The following GABRA4 variants were observed in gnomAD, a reference collection of about 807,000 sequenced individuals.
GABRA4 encodes gamma-aminobutyric acid receptor subunit alpha-4.
In GABRA4, 12 loss-of-function variants were observed where a neutral mutation model predicts 49.7. That is an observed-to-expected ratio of 0.24 (90% confidence interval 0.15 to 0.39). The LOEUF is 0.39. GABRA4 is among the 10% of genes least tolerant of loss of function. The pLI is 1.00. For missense variants in GABRA4, 506 were observed against 686.0 expected (o/e 0.74, Z 2.93); for synonymous variants, 288 against 240.2 (o/e 1.20, Z -1.84).
At chr4:46,975,222 T>C (rs951209212) in intron 5 of GABRA4, among the ~76,000 whole-genome samples, 2 of 151,996 alleles carry the variant, frequency 1.3e-5, no homozygotes, top group African/African-American at 2.4e-5. Flanking sequence ...GGCTATAGCA[T>C]AGTAGGTCCT....
chr4:46,962,891 A>G (rs1722628475), intron 8 of GABRA4, among the ~76,000 whole-genome samples: 1 of 151,884 alleles, frequency 6.6e-6, no homozygotes, highest in Admixed American at 6.6e-5. Flanking sequence ...TGCTGGGAAA[A>G]CTGTATTATT....
chr4:46,974,119 G>T, intron 6 of GABRA4, 113 bp downstream of exon 6: 1 of 1,042,084 alleles, frequency 9.6e-7, no homozygotes. Flanking sequence ...CTCTATTTCT[G>T]GAAAATGTTT....
rs1458195966 is a variant in GABRA4, at chr4:46,927,135, T to C, written c.*1090A>G. 3 of 152,042 alleles carry C rather than the reference T, an allele frequency of 2.0e-5. No individual in the cohort carries two copies. The highest frequency in any genetic ancestry group is 4.4e-5 in the Non-Finnish European group (3 of 67,946). 9.4% of individuals were successfully genotyped at this position (152,042 alleles called of 1,614,324 possible). Reference sequence around the variant, plus strand: ...TCTACTCTGTGACTCTGATCAAATTTGCGACAGTTAATCTATTAAGTCTTA... The same window carrying C: ...TCTACTCTGTGACTCTGATCAAATTCGCGACAGTTAATCTATTAAGTCTTA... On this transcript the variant is annotated 3_prime_UTR_variant, in exon 9 of 9. Coordinates refer to ENST00000264318, the MANE Select transcript of GABRA4 (RefSeq NM_000809.4).
At chr4:46,930,231 T>C (rs1721381918) in intron 8 of GABRA4, among the ~76,000 whole-genome samples, 1 of 151,978 alleles carries the variant, frequency 6.6e-6, no homozygotes, top group Admixed American at 6.6e-5. Flanking sequence ...GGCACTGAAT[T>C]TGGGTGGAGA....
chr4:46,926,696 G>T lies in GABRA4; in HGVS notation c.*1529C>A, dbSNP rs1721241930. 1 of 151,834 alleles carries T rather than the reference G, an allele frequency of 6.6e-6. No individual in the cohort carries two copies. 9.4% of individuals were successfully genotyped at this position (151,834 alleles called of 1,614,324 possible). A position where few individuals can be genotyped will look rare whatever the true frequency, so the allele number is the denominator to read the frequency against. Reference sequence around the variant, plus strand: ...TCCAGAGCAGATAGAGAGAAGCACAGAAGAAAATCTAGAGGCAATATGACA... The same window carrying T: ...TCCAGAGCAGATAGAGAGAAGCACATAAGAAAATCTAGAGGCAATATGACA... On this transcript the variant is annotated 3_prime_UTR_variant, in exon 9 of 9. Coordinates refer to ENST00000264318, the MANE Select transcript of GABRA4 (RefSeq NM_000809.4).
rs1373091442 is a variant in GABRA4 at position 46,971,870 on chromosome 4, C to CCGAG, written c.722-636_722-635insCTCG. Among the ~76,000 whole-genome samples the CCGAG allele has an allele frequency of 2.9e-3, 439 of 151,436 alleles. 7 individuals are homozygous for CCGAG. The highest frequency in any genetic ancestry group is 0.026 in the Admixed American group (388 of 15,134). Reference sequence around the variant, plus strand: ...TAACATACAGGCATATATAACACCCCTGAGTTCAAGCATGTTTTACTGGCA... The same window carrying CCGAG: ...TAACATACAGGCATATATAACACCCCCGAGTGAGTTCAAGCATGTTTTACTGGCA... On this transcript the variant is annotated intron_variant, in intron 6 of 8. Coordinates refer to ENST00000264318, the MANE Select transcript of GABRA4 (RefSeq NM_000809.4).
intron 8 of GABRA4, among the ~76,000 whole-genome samples, chr4:46,929,812 A>G (rs1050906876): frequency 6.6e-6 from 1 of 151,972 alleles, no homozygotes; most frequent in Non-Finnish European, 1.5e-5. Flanking sequence ...TCCCCTTACC[A>G]TTTCATGAAG....
At chr4:46,941,444 T>C (rs1721786486) in intron 8 of GABRA4, among the ~76,000 whole-genome samples, 3 of 152,084 alleles carry the variant, frequency 2.0e-5, no homozygotes, top group Admixed American at 6.6e-5. Context: ...TTAGAGTTAG[T>C]GGTGTGGTAA....
At chr4:46,944,671 C>T (rs1243148622) in intron 8 of GABRA4, among the ~76,000 whole-genome samples, 1 of 152,088 alleles carries the variant, frequency 6.6e-6, no homozygotes, top group Non-Finnish European at 1.5e-5. Flanking sequence ...TTCTTTACCT[C>T]CCTTTTATAA....
intron 7 of GABRA4, among the ~76,000 whole-genome samples, chr4:46,966,378 G>T (rs1283149388): frequency 6.6e-6 from 1 of 151,698 alleles, no homozygotes; most frequent in East Asian, 1.9e-4. Context: ...GGCAAATAAT[G>T]CATGTTCAAC....
At chr4:46,965,553 C>T (rs1045755514) in intron 7 of GABRA4, among the ~76,000 whole-genome samples, 1 of 151,692 alleles carries the variant, frequency 6.6e-6, no homozygotes, top group Non-Finnish European at 1.5e-5. Context: ...GCATGTAACG[C>T]ACGTAGCACA....
intron 8 of GABRA4, among the ~76,000 whole-genome samples, chr4:46,935,349 T>C (rs2109341564): frequency 6.6e-6 from 1 of 152,298 alleles, no homozygotes; most frequent in Non-Finnish European, 1.5e-5. Flanking sequence ...CTAATAAATA[T>C]ATAAGATAAT....
chr4:46,937,141 G>T (rs1721627745), intron 8 of GABRA4, among the ~76,000 whole-genome samples: 1 of 152,160 alleles, frequency 6.6e-6, no homozygotes. Context: ...AAAAGAAAAA[G>T]AAATACCAGG....
At chr4:46,986,583 C>T (rs78533420) in intron 2 of GABRA4, among the ~76,000 whole-genome samples, 1,859 of 152,136 alleles carry the variant, frequency 0.012, 35 homozygotes, top group African/African-American at 0.043. Context: ...CATCAAAACT[C>T]AATATTTGTA....
intron 8 of GABRA4, among the ~76,000 whole-genome samples, chr4:46,940,342 C>A (rs1721747357): frequency 6.6e-6 from 1 of 151,908 alleles, no homozygotes; most frequent in Non-Finnish European, 1.5e-5. Flanking sequence ...TCAACATGAG[C>A]TCTATCTCTT....
Position 46,922,726 on chromosome 4 carries a change from G to T in GABRA4, c.*5499C>A, listed in dbSNP as rs142910775. On this transcript the variant is annotated 3_prime_UTR_variant, in exon 9 of 9. Transcript: ENST00000264318. ...AAATTAACCATTATGAAGTTGAAAA[G>T]TACATTGGAAGTTACAAAATAGAAT... 1.8e-4 allele frequency: 28 copies of T among 152,178 alleles called. No individual in the cohort carries two copies. The East Asian group carries it at 5.0e-3, about 27-fold the overall frequency. 9.4% of individuals were successfully genotyped at this position (152,178 alleles called of 1,614,324 possible).
intron 8 of GABRA4, among the ~76,000 whole-genome samples, chr4:46,942,282 G>A (rs1414000694): frequency 1.3e-5 from 2 of 152,062 alleles, no homozygotes; most frequent in Admixed American, 6.6e-5. Context: ...CCAGTCTGGG[G>A]AAAAATAGTC....
At chr4:46,980,185 G>A (rs554374214) in intron 2 of GABRA4, among the ~76,000 whole-genome samples, 1 of 152,004 alleles carries the variant, frequency 6.6e-6, no homozygotes, top group Admixed American at 6.6e-5. Flanking sequence ...TCATTACTAT[G>A]CATAATACAG....
At chr4:46,956,415 T>C (rs1356217392) in intron 8 of GABRA4, among the ~76,000 whole-genome samples, 2 of 152,102 alleles carry the variant, frequency 1.3e-5, no homozygotes, top group Admixed American at 6.6e-5. Flanking sequence ...ATTTTGAGAA[T>C]GATTGAAGTG....
Sources: gnomAD v4.1 joint callset for allele counts (sites outside exome capture counted in the v4.1 genomes callset) on GRCh38, gnomAD v4.1.1 for gene constraint, MANE v1.5 for transcripts, NCBI Gene and HGNC (gene_info 2026-07-23, HGNC 2026-07-21) for gene names.